The following CELSR1 variants were observed in gnomAD, a reference collection of about 807,000 sequenced individuals.
CELSR1 encodes the protein cadherin EGF LAG seven-pass G-type receptor 1.
Under a neutral mutation model 249.1 loss-of-function variants are expected in CELSR1, and 110 were observed. The ratio of observed to expected loss-of-function variants is 0.44; its 90% CI spans 0.38 to 0.52. The LOEUF is 0.52. Among genes scored for constraint, CELSR1 ranks in the 20% least tolerant of loss-of-function variants. CELSR1 has a pLI of 0.00. For synonymous variants in CELSR1, 2,113 were observed against 1,900.0 expected, an observed-to-expected ratio of 1.11 and a Z score of -2.92; for missense variants, 4,109 against 4,296.4, an observed-to-expected ratio of 0.96 and a Z score of 1.22.
At chr22:46,502,930 A>G (rs1489994587) in intron 1 of CELSR1, among the ~76,000 whole-genome samples, 4 of 152,214 alleles carry the variant, frequency 2.6e-5, no homozygotes, top group Non-Finnish European at 5.9e-5. Flanking sequence ...AAGCTGCACA[A>G]GAGTGTGCAC....
rs150688588 is a variant in CELSR1 at position 46,369,696 on chromosome 22, A to G, written c.7868T>C (p.Ile2623Thr). Residue 2623 changes from isoleucine (I) to threonine (T), a missense_variant, in exon 26 of 35, where the codon ATA becomes ACA. Physicochemically the swap from Ile to Thr is moderately conservative, Grantham distance 89. Coordinates refer to ENST00000674500, the MANE Select transcript of CELSR1 (RefSeq NM_001378328.1). ...WSFAGPIGAV[I>T]IINTVTSVLS... ...CCGTGAAGGCCCCACACTCACGATT[A>G]TAACAGCTCCGATGGGCCCCGCAAA... is the stretch of plus-strand genomic sequence containing the variant. The G allele has an allele frequency of 5.9e-5, 95 of 1,613,334 alleles. No homozygotes were observed. In the African/African-American group the frequency reaches 1.1e-3, roughly 18 times the overall value.
In CELSR1 at chr22:46,366,972, G is replaced by A. The variant is rs376208617; in HGVS notation, c.8205+21C>T. 2.8e-4 allele frequency: 453 copies of A among 1,602,894 alleles called. 1 individual carries two copies. The African/African-American group carries it at 4.9e-3, about 17-fold the overall frequency. On this transcript the variant is annotated intron_variant, in intron 29 of 34. Coordinates refer to ENST00000674500, the MANE Select transcript of CELSR1 (RefSeq NM_001378328.1). ...GATGCCGCCCAGCCCCCAGTCCCGCGGTGTCCCCGGCGCCTCCTACCGTCA... is the reference window on the plus strand; with the variant it reads ...GATGCCGCCCAGCCCCCAGTCCCGCAGTGTCCCCGGCGCCTCCTACCGTCA...
Position 46,401,580 on chromosome 22 carries a change from T to C in CELSR1, c.5227-1678A>G, listed in dbSNP as rs542822001. On this transcript the variant is annotated intron_variant, in intron 9 of 34. Transcript: ENST00000674500. This position sits in a 1 kb window ranked among gnomAD's most constrained non-coding sequence, Gnocchi z 4.7. ...CTGAAACCCCTGCCCTCCTTGGCAC[T>C]CTTCAGCCCTATCAGCAGGTGGTAC... is the stretch of plus-strand genomic sequence containing the variant. Among the ~76,000 whole-genome samples the C allele has an allele frequency of 4.6e-4, 70 of 152,286 alleles. No individual in the cohort carries two copies. Among genetic ancestry groups the C allele is most frequent in the African/African-American group, 1.6e-3 (65 of 41,568 alleles).
At chr22:46,487,402 C>A (rs2080322966) in intron 1 of CELSR1, among the ~76,000 whole-genome samples, 1 of 148,922 alleles carries the variant, frequency 6.7e-6, no homozygotes, top group Non-Finnish European at 1.5e-5. Context: ...ATTCAACAAA[C>A]ATTTGCGGGC....
At position 46,391,414 on chromosome 22, in the gene CELSR1, T is replaced by C; in HGVS notation, c.6149-127A>G. 1.1e-6 allele frequency: 1 copy of C among 923,408 alleles called. No individual in the cohort carries two copies. The highest frequency in any genetic ancestry group is 1.6e-6 in the Non-Finnish European group (1 of 618,914). The allele number at this position is 923,408 out of a possible 1,614,324, so 57.2% of individuals were successfully genotyped here. A position where few individuals can be genotyped will look rare whatever the true frequency, so the allele number is the denominator to read the frequency against. ...TCCCACCAAGAACCGAACCCTAGCA[T>C]CTCCCCTGCCCCCATCCATGTCAGA... On this transcript the variant is annotated intron_variant, in intron 15 of 34. Coordinates refer to ENST00000674500, the MANE Select transcript of CELSR1 (RefSeq NM_001378328.1). The surrounding 1 kb of genome is among the most constrained non-coding windows in gnomAD (Gnocchi z 4.3).
chr22:46,519,113 G>A (rs1388125323), intron 1 of CELSR1, among the ~76,000 whole-genome samples: 1 of 152,086 alleles, frequency 6.6e-6, no homozygotes, highest in Non-Finnish European at 1.5e-5. Context: ...CATGACACTG[G>A]CCGGGGAGAA....
At chr22:46,486,511 G>C (rs2147683272) in intron 1 of CELSR1, among the ~76,000 whole-genome samples, 1 of 151,746 alleles carries the variant, frequency 6.6e-6, no homozygotes, top group East Asian at 2.0e-4. Context: ...TCATGCCCCT[G>C]TACTCCAGCC....
Position 46,472,266 on chromosome 22 carries a change from C to T in CELSR1, c.3545-7921G>A, listed in dbSNP as rs940522413. The stretch of plus-strand genomic sequence containing the variant: ...TCTGGGTCTTCATGGAGGTTGGGAC[C>T]TGTCCAGTCCCCGACTTTCGTGAAA... On this transcript the variant is annotated intron_variant, in intron 1 of 34. Transcript: ENST00000674500. The surrounding 1 kb of genome is among the most constrained non-coding windows in gnomAD (Gnocchi z 7.0). Among the ~76,000 whole-genome samples the T allele has an allele frequency of 2.6e-5, 4 of 152,220 alleles. No individual in the cohort carries two copies. The highest frequency in any genetic ancestry group is 5.9e-5 in the Non-Finnish European group (4 of 68,044).
chr22:46,505,141 A>G (rs2080502860), intron 1 of CELSR1, among the ~76,000 whole-genome samples: 1 of 151,742 alleles, frequency 6.6e-6, no homozygotes, highest in Admixed American at 6.6e-5. Flanking sequence ...GGGCTCCTGT[A>G]GTCCCAGCTA....
Position 46,390,251 on chromosome 22 carries a change from C to T in CELSR1, c.6345+141G>A, listed in dbSNP as rs990321643. The T allele has an allele frequency of 1.3e-5, 8 of 631,720 alleles. No homozygotes were observed. In the African/African-American group the frequency reaches 1.3e-4, roughly 10 times the overall value. 39.1% of individuals were successfully genotyped at this position (631,720 alleles called of 1,614,324 possible). On this transcript the variant is annotated intron_variant, in intron 17 of 34. Transcript: ENST00000674500. The surrounding 1 kb of genome is among the most constrained non-coding windows in gnomAD (Gnocchi z 6.3). Reference sequence around the variant, plus strand: ...ACAGGAACCTGCTGGCTCCAGGCTGCGGGCCCGTGGGGCTGTCCCTGCGCC... The same window carrying T: ...ACAGGAACCTGCTGGCTCCAGGCTGTGGGCCCGTGGGGCTGTCCCTGCGCC...
intron 1 of CELSR1, among the ~76,000 whole-genome samples, chr22:46,505,043 A>C (rs1569207174): frequency 6.6e-6 from 1 of 151,836 alleles, no homozygotes; most frequent in Non-Finnish European, 1.5e-5. Flanking sequence ...CGGGCGGATC[A>C]TGAGGTCAGG....
intron 24 of CELSR1, among the ~76,000 whole-genome samples, chr22:46,373,481 CT>C (rs538209984): frequency 4.4e-4 from 52 of 118,078 alleles, no homozygotes; most frequent in East Asian, 2.2e-3. Context: ...ACCCAGTGCT[CT>C]GGGGTGGGGG....
Position 46,393,716 on chromosome 22 carries a change from C to A in CELSR1, c.5964+426G>T, listed in dbSNP as rs1433066038. On this transcript the variant is annotated intron_variant, in intron 14 of 34. Transcript: ENST00000674500. The surrounding 1 kb of genome is among the most constrained non-coding windows in gnomAD (Gnocchi z 4.1). Reference sequence around the variant, plus strand: ...TCGCACCACTGCACTCCAGCCTGGGCGACACAGCGAGACTCTGTCTCAAAA... The same window carrying A: ...TCGCACCACTGCACTCCAGCCTGGGAGACACAGCGAGACTCTGTCTCAAAA... 4.1e-5 allele frequency among the ~76,000 whole-genome samples: 6 copies of A among 147,568 alleles called. No homozygotes were observed. The highest frequency in any genetic ancestry group is 1.5e-4 in the African/African-American group (6 of 39,870).
chr22:46,461,545 C>T (rs570593776), intron 2 of CELSR1, among the ~76,000 whole-genome samples: 4 of 152,320 alleles, frequency 2.6e-5, no homozygotes, highest in Admixed American at 6.5e-5. Context: ...CCACGTTAGA[C>T]GTTACCCTAG....
Position 46,409,232 on chromosome 22 carries a change from CG to C in CELSR1, c.5060-71del. ...ACGGCCGCGGACTTGGCTGCAGGGG[CG>C]GGGGATGGGCCTGCAGGCTAGGCCT... On this transcript the variant is annotated intron_variant, in intron 8 of 34. Transcript: ENST00000674500. This position sits in a 1 kb window ranked among gnomAD's most constrained non-coding sequence, Gnocchi z 9.8. 2 of 1,542,080 alleles carry C rather than the reference CG, an allele frequency of 1.3e-6. No homozygotes were observed. The highest frequency in any genetic ancestry group is 1.2e-5 in the South Asian group (1 of 86,468).
chr22:46,460,430 G>C (rs1254367904), intron 2 of CELSR1, among the ~76,000 whole-genome samples: 1 of 151,924 alleles, frequency 6.6e-6, no homozygotes, highest in Non-Finnish European at 1.5e-5. Context: ...GGAGGCCCAT[G>C]ATGGGCAGAT....
rs2080073076 is a variant in CELSR1 at position 46,464,349 on chromosome 22, C to T, written c.3545-4G>A. 20 of 1,606,600 alleles carry T rather than the reference C, an allele frequency of 1.2e-5. 1 individual carries two copies. In the East Asian group the frequency reaches 3.3e-4, roughly 27 times the overall value. The stretch of plus-strand genomic sequence containing the variant: ...GCCGTGACGCTGTGGATGCCATCTG[C>T]AGACACAAGGAAAGTCAGGGTCATT... On this transcript the variant is annotated splice_polypyrimidine_tract_variant and splice_region_variant and intron_variant, in intron 1 of 34. Transcript: ENST00000674500. This position sits in a 1 kb window ranked among gnomAD's most constrained non-coding sequence, Gnocchi z 8.5.
intron 5 of CELSR1, among the ~76,000 whole-genome samples, chr22:46,431,498 C>T (rs1238473748): frequency 1.3e-5 from 2 of 152,118 alleles, no homozygotes; most frequent in South Asian, 2.1e-4. Context: ...AAGGAAAATG[C>T]GCCACCTATG....
intron 1 of CELSR1, among the ~76,000 whole-genome samples, chr22:46,521,744 G>A (rs1406257523): frequency 6.6e-6 from 1 of 151,884 alleles, no homozygotes; most frequent in Non-Finnish European, 1.5e-5. Context: ...TTGAACCCAG[G>A]AGGTAGAGGC....
Sources: gnomAD v4.1 joint callset for allele counts (sites outside exome capture counted in the v4.1 genomes callset) on GRCh38, gnomAD v4.1.1 for gene constraint, Gnocchi (gnomAD v3.1) non-coding constraint, MANE v1.5 for transcripts, NCBI Gene and HGNC (gene_info 2026-07-23, HGNC 2026-07-21) for gene names.